DBT: variants seen among roughly 807,000 people sequenced by gnomAD.
DBT encodes the protein dihydrolipoamide branched chain transacylase E2, also known as lipoamide acyltransferase component of branched-chain alpha-keto acid dehydrogenase complex, mitochondrial.
Under a neutral mutation model 51.3 loss-of-function variants are expected in DBT, and 40 were observed. The observed-to-expected ratio is 0.78, with a 90% CI of 0.61 to 1.02. The LOEUF (loss-of-function observed/expected upper bound fraction) is 1.02, where lower values mean the gene tolerates loss of function less well. Among genes scored for constraint, DBT ranks in the 50% least tolerant of loss-of-function variants. The pLI is 0.00. For synonymous variants in DBT, 181 were observed against 190.4 expected (o/e 0.95, Z 0.41); for missense variants, 510 against 580.2 (o/e 0.88, Z 1.24).
chr1:100,214,862 T>C lies in DBT; in HGVS notation c.894A>G (p.Ala298=), dbSNP rs1480810743. The C allele has an allele frequency of 6.2e-7, 1 of 1,614,136 alleles. No homozygotes were observed. The highest frequency in any genetic ancestry group is 1.1e-5 in the South Asian group (1 of 91,082). ...VKLREELKPI[A]FARGIKLSFM... ...AGGAGAGTTTAATTCCACGAGCAAA[T>C]GCAATGGGTTTTAATTCTTCTCGGA... The change falls in exon 7 of 11, where the codon GCA becomes GCG. Residue 298 remains alanine, a synonymous_variant. Coordinates refer to ENST00000370132, the MANE Select transcript of DBT (RefSeq NM_001918.5).
intron 10 of DBT, 53 bp from the exon 11 acceptor site, chr1:100,196,475 C>G (rs930453226): frequency 7.8e-6 from 12 of 1,538,982 alleles, no homozygotes; most frequent in Non-Finnish European, 1.1e-5. Context: ...AAGAGTAAAC[C>G]TTCACTTGTT....
intron 1 of DBT, among the ~76,000 whole-genome samples, chr1:100,245,493 C>A (rs548303776): frequency 6.6e-6 from 1 of 152,268 alleles, no homozygotes; most frequent in Admixed American, 6.5e-5. Context: ...TCTATGGGGA[C>A]CATCTGTACC....
chr1:100,247,359 G>A (rs1426240774), intron 1 of DBT, among the ~76,000 whole-genome samples: 1 of 152,148 alleles, frequency 6.6e-6, no homozygotes, highest in Non-Finnish European at 1.5e-5. Flanking sequence ...GGGCAGGGTG[G>A]AAAAATCATG....
Position 100,212,199 on chromosome 1 carries a change from A to G in DBT, c.940-1428T>C, listed in dbSNP as rs2100791279. On this transcript the variant is annotated intron_variant, in intron 7 of 10. Coordinates refer to ENST00000370132, the MANE Select transcript of DBT (RefSeq NM_001918.5). ...TTGAGTATAATCCAAATTTTGTCCAAGAAAATACAAGGTATGTGTCAATGG... is the reference window on the plus strand; with the variant it reads ...TTGAGTATAATCCAAATTTTGTCCAGGAAAATACAAGGTATGTGTCAATGG... Among the ~76,000 whole-genome samples, 2 of 152,340 alleles carry G rather than the reference A, an allele frequency of 1.3e-5. 1 individual carries two copies. The highest frequency in any genetic ancestry group is 1.3e-4 in the Admixed American group (2 of 15,308).
Position 100,191,024 on chromosome 1 carries a change from G to T in DBT, c.*5231C>A, listed in dbSNP as rs1660782327. 1 of 152,202 alleles carries T rather than the reference G, an allele frequency of 6.6e-6. No individual in the cohort carries two copies. Among genetic ancestry groups the T allele is most frequent in the African/African-American group, 2.4e-5 (1 of 41,450 alleles). 9.4% of individuals were successfully genotyped at this position (152,202 alleles called of 1,614,324 possible). ...TCTTTTTCTCTTGATAAATATTCCTGTGGTAAGCCATGGAGTTCTGTTAAT... is the reference window on the plus strand; with the variant it reads ...TCTTTTTCTCTTGATAAATATTCCTTTGGTAAGCCATGGAGTTCTGTTAAT... On this transcript the variant is annotated 3_prime_UTR_variant, in exon 11 of 11. Coordinates refer to ENST00000370132, the MANE Select transcript of DBT (RefSeq NM_001918.5).
intron 10 of DBT, among the ~76,000 whole-genome samples, chr1:100,205,983 G>A (rs942298125): frequency 1.3e-5 from 2 of 151,464 alleles, no homozygotes; most frequent in Admixed American, 6.6e-5. Context: ...TGTAGATGAC[G>A]GGTTGATGGG....
intron 1 of DBT, among the ~76,000 whole-genome samples, chr1:100,246,304 CAGA>C (rs1415510977): frequency 3.3e-5 from 5 of 151,954 alleles, no homozygotes; most frequent in African/African-American, 7.3e-5. Context: ...ACAACCAGGA[CAGA>C]AGAACATAAA....
intron 10 of DBT, among the ~76,000 whole-genome samples, chr1:100,197,832 A>G (rs899918330): frequency 6.6e-6 from 1 of 152,212 alleles, no homozygotes; most frequent in Non-Finnish European, 1.5e-5. Context: ...AATGACTTAA[A>G]CAATTTAGCA....
At chr1:100,197,911 T>G (rs1266277773) in intron 10 of DBT, among the ~76,000 whole-genome samples, 1 of 152,168 alleles carries the variant, frequency 6.6e-6, no homozygotes, top group African/African-American at 2.4e-5. Flanking sequence ...GAGAAAGGAA[T>G]TAAATACTAT....
chr1:100,199,803 C>A (rs999799438), intron 10 of DBT, among the ~76,000 whole-genome samples: 4 of 152,174 alleles, frequency 2.6e-5, no homozygotes, highest in Non-Finnish European at 5.9e-5. Context: ...GGTCAGGGAA[C>A]TCCCTCCCCT....
At chr1:100,223,954 T>C (rs1022361745) in intron 4 of DBT, among the ~76,000 whole-genome samples, 7 of 152,262 alleles carry the variant, frequency 4.6e-5, no homozygotes, top group South Asian at 2.1e-4. Flanking sequence ...TGTTTTGAAG[T>C]AGAGGTCTGT....
intron 1 of DBT, among the ~76,000 whole-genome samples, chr1:100,246,461 GA>G (rs1212364734): frequency 2.0e-5 from 3 of 152,094 alleles, no homozygotes; most frequent in African/African-American, 7.2e-5. Context: ...TATAGTTCCT[GA>G]ATTCAAATTG....
Position 100,218,481 on chromosome 1 carries a change from G to A in DBT, c.555+145C>T, listed in dbSNP as rs138247337. 366 of 840,494 alleles carry A rather than the reference G, an allele frequency of 4.4e-4. 2 individuals carry two copies. In the African/African-American group the frequency reaches 5.9e-3, roughly 13 times the overall value. 52.1% of individuals were successfully genotyped at this position (840,494 alleles called of 1,614,324 possible). ...TCTCATTTCTCCCATGTATTTTTAT[G>A]CAACTATTGCTTTTCAGTAGCAAAT... On this transcript the variant is annotated intron_variant, in intron 5 of 10. Coordinates refer to ENST00000370132, the MANE Select transcript of DBT (RefSeq NM_001918.5).
At chr1:100,210,857 G>A (rs1662098775) in intron 7 of DBT, 86 bp from the exon 8 acceptor site, 1 of 1,583,644 alleles carries the variant, frequency 6.3e-7, no homozygotes, top group South Asian at 1.1e-5. Flanking sequence ...ATAAAAGGAG[G>A]GAGAGAGAGA....
At position 100,235,474 on chromosome 1, in the gene DBT, G is replaced by A; in HGVS notation, c.213C>T (p.Asp71=). 6.3e-7 allele frequency: 1 copy of A among 1,596,896 alleles called. No homozygotes were observed. The highest frequency in any genetic ancestry group is 8.6e-7 in the Non-Finnish European group (1 of 1,165,792). ...TTACTTCTCTAATCCCTTCTCCAAT[G>A]TCTGAGAGCTTGAACTGAACAACCT... The part of the protein sequence containing the change: ...RGQVVQFKLS[D]IGEGIREVTV... Residue 71 remains aspartate (D), a synonymous_variant, in exon 3 of 11, where the codon GAC becomes GAT. Coordinates refer to ENST00000370132, the MANE Select transcript of DBT (RefSeq NM_001918.5).
chr1:100,209,631 G>A (rs1194985965), intron 8 of DBT, among the ~76,000 whole-genome samples: 3 of 151,554 alleles, frequency 2.0e-5, no homozygotes, highest in African/African-American at 7.3e-5. Flanking sequence ...GCACAATCTT[G>A]GCTCACTGCA....
At chr1:100,196,848 G>T in intron 10 of DBT, 1 of 198,050 alleles carries the variant, frequency 5.0e-6, no homozygotes. Context: ...CACTGAGTTG[G>T]CCAGGAAGAA....
In DBT at chr1:100,213,632, G is replaced by A. The variant is rs1662296846; in HGVS notation, c.939+1185C>T. On this transcript the variant is annotated intron_variant, in intron 7 of 10. Coordinates refer to ENST00000370132, the MANE Select transcript of DBT (RefSeq NM_001918.5). Reference sequence around the variant, plus strand: ...GTTCATTTGCTGTTTTGCCTTGAGGGAGCGAAGATGCCCCAACTGTGGAGC... The same window carrying A: ...GTTCATTTGCTGTTTTGCCTTGAGGAAGCGAAGATGCCCCAACTGTGGAGC... 3.7e-6 allele frequency: 6 copies of A among 1,607,980 alleles called. No homozygotes were observed. In the East Asian group the frequency reaches 1.1e-4, roughly 30 times the overall value.
intron 4 of DBT, among the ~76,000 whole-genome samples, chr1:100,224,996 C>T (rs1194382466): frequency 6.5e-5 from 8 of 123,490 alleles, no homozygotes; most frequent in African/African-American, 2.2e-4. Context: ...TCCAGCCTGG[C>T]GACAGAGTGA....
Sources: gnomAD v4.1 joint callset for allele counts (sites outside exome capture counted in the v4.1 genomes callset) on GRCh38, gnomAD v4.1.1 for gene constraint, MANE v1.5 for transcripts, NCBI Gene and HGNC (gene_info 2026-07-23, HGNC 2026-07-21) for gene names.